ADAMTS19: variants seen among roughly 807,000 people sequenced by gnomAD.
ADAMTS19 encodes the protein ADAM metallopeptidase with thrombospondin type 1 motif 19, also known as A disintegrin and metalloproteinase with thrombospondin motifs 19.
Under a neutral mutation model 153.3 loss-of-function variants are expected in ADAMTS19, and 93 were observed. The ratio of observed to expected loss-of-function variants is 0.61; its 90% CI spans 0.51 to 0.72. The LOEUF is 0.72. Ranked by LOEUF, ADAMTS19 falls within the 30% of genes least tolerant of loss-of-function variation. The pLI is 0.00. For missense variants in ADAMTS19, 1,482 were observed against 1,552.1 expected, an observed-to-expected ratio of 0.95 and a Z score of 0.76; for synonymous variants, 600 against 556.6, an observed-to-expected ratio of 1.08 and a Z score of -1.10.
chr5:129,608,527 T>G (rs915935015), intron 8 of ADAMTS19, among the ~76,000 whole-genome samples: 9 of 152,050 alleles, frequency 5.9e-5, no homozygotes. Context: ...AGAAGTGAAT[T>G]AAATTTGGCA....
chr5:129,486,890 A>C (rs1750613902), intron 2 of ADAMTS19, among the ~76,000 whole-genome samples: 1 of 152,226 alleles, frequency 6.6e-6, no homozygotes, highest in Non-Finnish European at 1.5e-5. Flanking sequence ...TAGCAACTAG[A>C]GCTAACAAGT....
intron 6 of ADAMTS19, among the ~76,000 whole-genome samples, chr5:129,532,143 A>G (rs1752229867): frequency 6.6e-6 from 1 of 152,076 alleles, no homozygotes; most frequent in African/African-American, 2.4e-5. Context: ...ATCAAGAAAT[A>G]TTGACAATCA....
chr5:129,558,741 C>G (rs7446814), intron 7 of ADAMTS19, among the ~76,000 whole-genome samples: 13,066 of 151,930 alleles, frequency 0.086, 631 homozygotes, highest in Middle Eastern at 0.16. Context: ...TATCAGATAC[C>G]AAGATATAGT....
intron 2 of ADAMTS19, among the ~76,000 whole-genome samples, chr5:129,476,547 T>C (rs1223411682): frequency 6.6e-6 from 1 of 152,154 alleles, no homozygotes; most frequent in Non-Finnish European, 1.5e-5. Flanking sequence ...AGTTATTCTC[T>C]AAATGTAAGC....
chr5:129,641,833 A>G, intron 10 of ADAMTS19, 26 bp from the exon 11 acceptor site: 1 of 1,470,894 alleles, frequency 6.8e-7, no homozygotes, highest in Non-Finnish European at 9.4e-7. Flanking sequence ...CCTTCCCCTT[A>G]TTAGTTATTG....
intron 14 of ADAMTS19, among the ~76,000 whole-genome samples, chr5:129,654,883 A>G (rs1297704634): frequency 6.6e-6 from 1 of 152,180 alleles, no homozygotes; most frequent in African/African-American, 2.4e-5. Context: ...TTTTAAATGC[A>G]TATTCAACTT....
chr5:129,640,905 A>G (rs758025365), intron 10 of ADAMTS19, among the ~76,000 whole-genome samples: 12 of 151,904 alleles, frequency 7.9e-5, no homozygotes, highest in Non-Finnish European at 1.5e-4. Context: ...GCTCACTGCA[A>G]CCTCTGCCTC....
chr5:129,586,509 A>G (rs1056351645), intron 7 of ADAMTS19, among the ~76,000 whole-genome samples: 1 of 152,190 alleles, frequency 6.6e-6, no homozygotes, highest in Admixed American at 6.5e-5. Context: ...TTGATAGCTC[A>G]TTTCATTTTA....
chr5:129,518,268 C>G (rs905064714), intron 3 of ADAMTS19, among the ~76,000 whole-genome samples: 2 of 152,028 alleles, frequency 1.3e-5, no homozygotes, highest in Non-Finnish European at 2.9e-5. Context: ...CTGTGTTTTT[C>G]TGTGTACTTA....
chr5:129,698,440 T>C (rs17163058), intron 19 of ADAMTS19, among the ~76,000 whole-genome samples: 6,802 of 152,208 alleles, frequency 0.045, 467 homozygotes, highest in African/African-American at 0.15. Flanking sequence ...ATTCTATGGG[T>C]GAAATATAAA....
At chr5:129,462,615 GT>G (rs368260779) in intron 2 of ADAMTS19, among the ~76,000 whole-genome samples, 150 of 144,998 alleles carry the variant, frequency 1.0e-3, no homozygotes, top group African/African-American at 3.8e-3. Context: ...GTGTGTGTGT[GT>G]GGGGGGGTCA....
At chr5:129,563,194 A>G (rs1753584327) in intron 7 of ADAMTS19, among the ~76,000 whole-genome samples, 1 of 151,950 alleles carries the variant, frequency 6.6e-6, no homozygotes, top group African/African-American at 2.4e-5. Flanking sequence ...CTTAATTTTT[A>G]TTAAACAGCA....
At chr5:129,562,242 CT>C (rs1753550488) in intron 7 of ADAMTS19, among the ~76,000 whole-genome samples, 1 of 152,172 alleles carries the variant, frequency 6.6e-6, no homozygotes, top group Non-Finnish European at 1.5e-5. Context: ...TTTATCCATA[CT>C]TCCTTTTTGT....
At chr5:129,680,792 A>T (rs1330279284) in intron 17 of ADAMTS19, among the ~76,000 whole-genome samples, 1 of 149,814 alleles carries the variant, frequency 6.7e-6, no homozygotes, top group Non-Finnish European at 1.5e-5. Context: ...AAAAAACTGG[A>T]TATAAGTGGG....
At chr5:129,722,928 T>C (rs1757063010) in intron 21 of ADAMTS19, among the ~76,000 whole-genome samples, 1 of 152,224 alleles carries the variant, frequency 6.6e-6, no homozygotes, top group African/African-American at 2.4e-5. Flanking sequence ...TCCCTTTGTT[T>C]CTACAATAAT....
At chr5:129,678,029 T>A (rs1480423932) in intron 16 of ADAMTS19, among the ~76,000 whole-genome samples, 1 of 152,140 alleles carries the variant, frequency 6.6e-6, no homozygotes, top group Non-Finnish European at 1.5e-5. Context: ...TCCAGACTGG[T>A]CTTGAACTTG....
At chr5:129,658,869 G>C (rs533950206) in intron 15 of ADAMTS19, 132 bp downstream of exon 15, 1 of 1,026,176 alleles carries the variant, frequency 9.7e-7, no homozygotes, top group Admixed American at 3.1e-5. Context: ...AATTATTTTT[G>C]TGATGACATA....
rs909886141 is a variant in ADAMTS19, at chr5:129,461,457, G to A, written c.447G>A (p.Pro149=). 6.9e-6 allele frequency: 10 copies of A among 1,449,412 alleles called. No individual in the cohort carries two copies. Among genetic ancestry groups the A allele is most frequent in the South Asian group, 1.4e-5 (1 of 71,386 alleles). 89.8% of individuals were successfully genotyped at this position (1,449,412 alleles called of 1,614,324 possible). A position where few individuals can be genotyped will look rare whatever the true frequency, so the allele number is the denominator to read the frequency against. The part of the protein sequence containing the change: ...SPGAPASWQP[P]PPPQPPPSPP... The stretch of plus-strand genomic sequence containing the variant: ...GCGCCCCGGCCTCGTGGCAGCCGCC[G>A]CCTCCCCCGCAGCCGCCCCCGTCCC... The change falls in exon 2 of 23, where the codon CCG becomes CCA. Residue 149 remains proline, a synonymous_variant. Coordinates refer to ENST00000274487, the MANE Select transcript of ADAMTS19 (RefSeq NM_133638.6). This position sits in a 1 kb window ranked among gnomAD's most constrained non-coding sequence, Gnocchi z 4.6.
intron 6 of ADAMTS19, among the ~76,000 whole-genome samples, chr5:129,549,847 T>G (rs1013992814): frequency 2.3e-5 from 3 of 129,216 alleles, no homozygotes; most frequent in Non-Finnish European, 4.7e-5. Context: ...TGTATCTATA[T>G]ATACATATAC....
Sources: allele counts gnomAD v4.1 joint callset (sites outside exome capture counted in the v4.1 genomes callset), GRCh38; gene constraint gnomAD v4.1.1; non-coding constraint Gnocchi (gnomAD v3.1); transcripts MANE v1.5; gene names NCBI Gene and HGNC (gene_info 2026-07-23, HGNC 2026-07-21).